Variants in MTMR10 observed in about 807,000 individuals in gnomAD.
The protein encoded by MTMR10 is myotubularin-related protein 10.
In MTMR10, 56 loss-of-function variants were observed where a neutral mutation model predicts 88.1. That is an observed-to-expected ratio of 0.64 (90% CI 0.51 to 0.79). The LOEUF (loss-of-function observed/expected upper bound fraction) is 0.79. Among genes scored for constraint, MTMR10 ranks in the 30% least tolerant of loss-of-function variants. The probability of loss-of-function intolerance (pLI) is 0.00; values close to 1 mark genes in which losing one functional copy is unlikely to be tolerated. For missense variants in MTMR10, 883 were observed against 924.7 expected (o/e 0.95, Z 0.58); for synonymous variants, 380 against 340.9 (o/e 1.11, Z -1.26).
chr15:30,972,095 C>T (rs934620746), intron 5 of MTMR10, among the ~76,000 whole-genome samples: 4 of 152,184 alleles, frequency 2.6e-5, no homozygotes, highest in African/African-American at 9.7e-5. Flanking sequence ...GAACTCCAAA[C>T]ATGCATTTCA....
the MTMR10 span, chr15:30,928,100 C>A: frequency 1.0e-6 from 1 of 1,000,744 alleles, no homozygotes; most frequent in Non-Finnish European, 1.2e-6. Flanking sequence ...TGCTGCCGGC[C>A]TCCGGGAGGT....
the MTMR10 span, among the ~76,000 whole-genome samples, chr15:30,918,973 G>C: frequency 2.0e-5 from 3 of 152,128 alleles, no homozygotes; most frequent in Non-Finnish European, 4.4e-5. Flanking sequence ...GCTTACTGTT[G>C]ACTGGAAGCC....
At chr15:30,931,734 A>G in the MTMR10 span, among the ~76,000 whole-genome samples, 2 of 151,878 alleles carry the variant, frequency 1.3e-5, no homozygotes, top group East Asian at 3.9e-4. Flanking sequence ...TAACCCATAT[A>G]TATGTGGGTC....
At chr15:30,964,787 A>G (rs1250281994) in intron 6 of MTMR10, among the ~76,000 whole-genome samples, 1 of 152,224 alleles carries the variant, frequency 6.6e-6, no homozygotes, top group Non-Finnish European at 1.5e-5. Context: ...CGTGAAATAG[A>G]TATTATATGC....
At chr15:30,929,442 C>A in the MTMR10 span, 3 of 1,494,030 alleles carry the variant, frequency 2.0e-6, no homozygotes, top group Non-Finnish European at 2.7e-6. Flanking sequence ...AAAGTTAACA[C>A]CGCCCCAGTG....
chr15:30,956,643 C>A (rs915016011), intron 9 of MTMR10, among the ~76,000 whole-genome samples: 1 of 152,178 alleles, frequency 6.6e-6, no homozygotes, highest in African/African-American at 2.4e-5. Context: ...AGATGACACA[C>A]CTGAGGGAAA....
chr15:30,927,730 C>G, the MTMR10 span: 1 of 985,694 alleles, frequency 1.0e-6, no homozygotes, highest in Non-Finnish European at 1.2e-6. Flanking sequence ...TCCATGTGGC[C>G]TCCTCCTCTG....
chr15:30,990,961 T>G, intron 1 of MTMR10, 124 bp from the exon 2 acceptor site: 1 of 773,354 alleles, frequency 1.3e-6, no homozygotes, highest in Admixed American at 2.8e-5. Context: ...ATTTAAATTC[T>G]TTCGCATATT....
the MTMR10 span, among the ~76,000 whole-genome samples, chr15:30,919,002 A>G: frequency 3.3e-5 from 5 of 152,228 alleles, no homozygotes; most frequent in African/African-American, 1.2e-4. Flanking sequence ...TACATAGTCA[A>G]TTAACACACA....
chr15:30,972,412 C>T (rs2141044565), intron 5 of MTMR10, among the ~76,000 whole-genome samples: 1 of 152,068 alleles, frequency 6.6e-6, no homozygotes, highest in African/African-American at 2.4e-5. Flanking sequence ...CGTGGCTATA[C>T]AAAAGACAGA....
intron 12 of MTMR10, among the ~76,000 whole-genome samples, 168 bp downstream of exon 12, chr15:30,951,800 G>A (rs2063251053): frequency 6.6e-6 from 1 of 152,174 alleles, no homozygotes. Flanking sequence ...CGCCCAGCCT[G>A]TGCCACTGTT....
chr15:30,979,989 A>C (rs2030453136), intron 2 of MTMR10, among the ~76,000 whole-genome samples: 1 of 152,260 alleles, frequency 6.6e-6, no homozygotes, highest in South Asian at 2.1e-4. Context: ...ACTTGAAACA[A>C]ATACCTTATG....
the MTMR10 span, chr15:30,925,147 G>A: frequency 6.2e-7 from 1 of 1,614,008 alleles, no homozygotes; most frequent in Non-Finnish European, 8.5e-7. Context: ...GCATCACAGA[G>A]GGGCTGGCGG....
Position 30,947,264 on chromosome 15 carries a change from GCCAGGTGGCAT to G in MTMR10, c.1403_1413del (p.Asp468AlafsTer11). 6.2e-7 allele frequency: 1 copy of G among 1,613,654 alleles called. No homozygotes were observed. The highest frequency in any genetic ancestry group is 8.5e-7 in the Non-Finnish European group (1 of 1,179,820). On this transcript the variant is annotated frameshift_variant, in exon 14 of 16. Transcript: ENST00000435680. LOFTEE classifies it high-confidence loss of function. ...GCTGCAGGATATTGTTCTAACAGCT[GCCAGGTGGCAT>G]CCAAGAATAGCAAAAATAAAGGAGA...
chr15:30,933,988 C>T (rs1256491386), downstream of MTMR10, among the ~76,000 whole-genome samples: 3 of 152,106 alleles, frequency 2.0e-5, no homozygotes, highest in Non-Finnish European at 4.4e-5. Flanking sequence ...TCTCAAACTC[C>T]TGGGCTCCAC....
chr15:30,983,881 T>C (rs2030755797), intron 2 of MTMR10, among the ~76,000 whole-genome samples: 1 of 152,062 alleles, frequency 6.6e-6, no homozygotes, highest in African/African-American at 2.4e-5. Context: ...TAACACACAA[T>C]GTAAAAAAGC....
the MTMR10 span, chr15:30,927,911 T>C: frequency 1.9e-5 from 19 of 985,594 alleles, no homozygotes; most frequent in South Asian, 4.7e-4. Flanking sequence ...TCTCAGGTCA[T>C]CTCCCAGTCA....
chr15:30,939,986 A>G lies in MTMR10; in HGVS notation c.*1484T>C. The G allele has an allele frequency of 4.1e-6, 4 of 979,252 alleles. No individual in the cohort carries two copies. The highest frequency in any genetic ancestry group is 4.9e-6 in the Non-Finnish European group (4 of 824,280). 60.7% of individuals were successfully genotyped at this position (979,252 alleles called of 1,614,324 possible). Reference sequence around the variant, plus strand: ...TATCCAGAGACATTATCAAATTTTAAAAGGCAAATAATTCAAAAAGAAACA... The same window carrying G: ...TATCCAGAGACATTATCAAATTTTAGAAGGCAAATAATTCAAAAAGAAACA... On this transcript the variant is annotated 3_prime_UTR_variant, in exon 16 of 16. Transcript: ENST00000435680.
At chr15:30,922,419 A>C in the MTMR10 span, 1 of 1,467,744 alleles carries the variant, frequency 6.8e-7, no homozygotes, top group Non-Finnish European at 9.3e-7. Context: ...AAAATATGGC[A>C]AACTTAATGC....
Sources: allele counts gnomAD v4.1 joint callset (sites outside exome capture counted in the v4.1 genomes callset), GRCh38; gene constraint gnomAD v4.1.1; transcripts MANE v1.5; gene names NCBI Gene and HGNC (gene_info 2026-07-23, HGNC 2026-07-21).